C5orf34: variants seen among roughly 807,000 people sequenced by gnomAD.
C5orf34 encodes the protein chromosome 5 open reading frame 34.
C5orf34 carries 73 observed loss-of-function variants against 78.4 expected under a neutral mutation model. That is an observed-to-expected ratio of 0.93 (90% confidence interval 0.77 to 1.13). The LOEUF (loss-of-function observed/expected upper bound fraction) is 1.13. C5orf34 is among the 50% of genes most tolerant of loss of function. The pLI, the probability that C5orf34 is intolerant of heterozygous loss-of-function variation, is 0.00. For missense variants in C5orf34, 730 were observed against 732.7 expected (o/e 1.00, Z 0.04); for synonymous variants, 251 against 246.6 (o/e 1.02, Z -0.17).
chr5:43,498,540 G>A (rs192365257), intron 6 of C5orf34, among the ~76,000 whole-genome samples: 13 of 152,158 alleles, frequency 8.5e-5, no homozygotes, highest in African/African-American at 1.4e-4. Context: ...ACACAGTACC[G>A]GGCACCACCA....
rs1222832114 is a variant in C5orf34, at chr5:43,496,237, A to G, written c.1153-1636T>C. The G allele has an allele frequency of 4.4e-6, 7 of 1,578,138 alleles. No individual in the cohort carries two copies. In the East Asian group the frequency reaches 6.7e-5, roughly 15 times the overall value. ...CTCAAATTTCCACAAGGAGATATCA[A>G]TGGTGATACCACGTTCACGCTCAGC... is the stretch of plus-strand genomic sequence containing the variant. On this transcript the variant is annotated intron_variant, in intron 6 of 12. Transcript: ENST00000306862.
intron 6 of C5orf34, chr5:43,495,723 A>G: frequency 6.3e-7 from 1 of 1,582,278 alleles, no homozygotes; most frequent in Admixed American, 1.7e-5. Flanking sequence ...GGCAGGCGCA[A>G]GGGCTTGTCA....
rs538048219 is a variant in C5orf34 at position 43,494,977 on chromosome 5, C to T, written c.1153-376G>A. Reference sequence around the variant, plus strand: ...GCATTGTTATCATTAACCAGTCTTTCACTACTAAACTTAAATGGCCAATTG... The same window carrying T: ...GCATTGTTATCATTAACCAGTCTTTTACTACTAAACTTAAATGGCCAATTG... On this transcript the variant is annotated intron_variant, in intron 6 of 12. Coordinates refer to ENST00000306862, the MANE Select transcript of C5orf34 (RefSeq NM_198566.4). 585 of 989,158 alleles carry T rather than the reference C, an allele frequency of 5.9e-4. 3 individuals are homozygous for T. The African/African-American group carries it at 8.2e-3, about 14-fold the overall frequency. The allele number at this position is 989,158 out of a possible 1,614,324, so 61.3% of individuals were successfully genotyped here.
At chr5:43,502,598 AAC>A (rs1234353388) in intron 5 of C5orf34, 103 bp from the exon 6 acceptor site, 18 of 703,300 alleles carry the variant, frequency 2.6e-5, no homozygotes, top group East Asian at 1.0e-4. Context: ...TAAGCAAAAC[AAC>A]ACAGTCTTTT....
At chr5:43,509,093 A>G in intron 2 of C5orf34, 52 bp downstream of exon 2, 3 of 1,456,304 alleles carry the variant, frequency 2.1e-6, no homozygotes, top group Non-Finnish European at 2.8e-6. Context: ...TGACAGAGCA[A>G]GAACCTGTCT....
intron 6 of C5orf34, among the ~76,000 whole-genome samples, chr5:43,499,536 G>A (rs1216370536): frequency 6.6e-6 from 1 of 151,716 alleles, no homozygotes; most frequent in Non-Finnish European, 1.5e-5. Flanking sequence ...CAAAAAGTAT[G>A]AAAATTGAGT....
chr5:43,497,767 C>G (rs755774830), intron 6 of C5orf34, among the ~76,000 whole-genome samples: 2 of 152,190 alleles, frequency 1.3e-5, no homozygotes, highest in African/African-American at 4.8e-5. Flanking sequence ...ACAGACCTGA[C>G]TATCTAAATC....
chr5:43,500,875 A>C (rs1423862954), intron 6 of C5orf34, among the ~76,000 whole-genome samples: 1 of 152,158 alleles, frequency 6.6e-6, no homozygotes, highest in Admixed American at 6.5e-5. Context: ...TTAGCTCTTT[A>C]ATTCATCTGA....
intron 2 of C5orf34, 78 bp from the exon 3 acceptor site, chr5:43,508,744 C>T (rs1746096316): frequency 1.1e-6 from 1 of 876,736 alleles, no homozygotes; most frequent in Non-Finnish European, 1.9e-6. Context: ...ACAGTATAAT[C>T]CATAATACTA....
Position 43,505,732 on chromosome 5 carries a change from G to C in C5orf34, c.932+16C>G. 1.3e-6 allele frequency: 2 copies of C among 1,524,614 alleles called. No homozygotes were observed. The highest frequency in any genetic ancestry group is 1.8e-6 in the Non-Finnish European group (2 of 1,138,004). The allele number at this position is 1,524,614 out of a possible 1,614,324, so 94.4% of individuals were successfully genotyped here. On this transcript the variant is annotated intron_variant, in intron 4 of 12. Transcript: ENST00000306862. ...CTGATAAAAAGCTTCATGACCAATA[G>C]CCATTACTGCATTACCTGTGTAGGT... is the stretch of plus-strand genomic sequence containing the variant.
In C5orf34 at chr5:43,503,569, T is replaced by G. The variant is rs1259603626; in HGVS notation, c.1028+96A>C. On this transcript the variant is annotated intron_variant, in intron 5 of 12. Coordinates refer to ENST00000306862, the MANE Select transcript of C5orf34 (RefSeq NM_198566.4). ...CAGTTGGCCCAACAGAACTGTGTCC[T>G]CTTCTGAGAGTCTGTCTATAAGGCT... 1.5e-5 allele frequency: 13 copies of G among 846,120 alleles called. No homozygotes were observed. The Admixed American group carries it at 2.3e-4, about 15-fold the overall frequency. 52.4% of individuals were successfully genotyped at this position (846,120 alleles called of 1,614,324 possible).
rs1024326512 is a variant in C5orf34 at position 43,492,769 on chromosome 5, A to T, written c.1436T>A (p.Ile479Asn). 1.2e-6 allele frequency: 2 copies of T among 1,613,314 alleles called. No individual in the cohort carries two copies. The highest frequency in any genetic ancestry group is 4.5e-5 in the East Asian group (2 of 44,756). Residue 479 changes from isoleucine (I) to asparagine (N), a missense_variant, in exon 9 of 13, where the codon ATT becomes AAT. Physicochemically the swap from Ile to Asn is moderately radical, Grantham distance 149 (BLOSUM62 -3). Coordinates refer to ENST00000306862, the MANE Select transcript of C5orf34 (RefSeq NM_198566.4). ...DKVHAIFLDG[I>N]TLTLNWNFSS... is the part of the protein sequence containing the mutation. ...GAAATTCCAATTTAGGGTTAGAGTA[A>T]TGCCATCTAAAAAGATAGCATGTAC...
At chr5:43,495,565 A>C in intron 6 of C5orf34, 1 of 1,612,588 alleles carries the variant, frequency 6.2e-7, no homozygotes, top group Non-Finnish European at 8.5e-7. Context: ...CTTCACTCAA[A>C]GCTTCATGGT....
chr5:43,494,090 A>T (rs916753600), intron 7 of C5orf34, among the ~76,000 whole-genome samples: 1 of 152,210 alleles, frequency 6.6e-6, no homozygotes, highest in Admixed American at 6.5e-5. Context: ...TTTTAAAAAC[A>T]TATGAACCAA....
intron 10 of C5orf34, 77 bp from the exon 11 acceptor site, chr5:43,490,806 T>C: frequency 1.4e-6 from 1 of 712,312 alleles, no homozygotes; most frequent in Non-Finnish European, 2.3e-6. Flanking sequence ...AATGTAAAAA[T>C]AAGACAATTT....
chr5:43,498,809 C>T (rs1329642685), intron 6 of C5orf34, among the ~76,000 whole-genome samples: 1 of 152,150 alleles, frequency 6.6e-6, no homozygotes, highest in East Asian at 1.9e-4. Context: ...AATGGTTCCC[C>T]AAATGCAGTG....
In C5orf34 at chr5:43,486,867, G is replaced by A; in HGVS notation, c.*48C>T. On this transcript the variant is annotated 3_prime_UTR_variant, in exon 13 of 13. Coordinates refer to ENST00000306862, the MANE Select transcript of C5orf34 (RefSeq NM_198566.4). ...ACTAGTAATTTTATACCAGTCACTT[G>A]AAACAACATCCTTAAACTTTAATAA... is the stretch of plus-strand genomic sequence containing the variant. 1 of 1,229,020 alleles carries A rather than the reference G, an allele frequency of 8.1e-7. No homozygotes were observed. The highest frequency in any genetic ancestry group is 1.1e-6 in the Non-Finnish European group (1 of 912,260). 76.1% of individuals were successfully genotyped at this position (1,229,020 alleles called of 1,614,324 possible). A position where few individuals can be genotyped will look rare whatever the true frequency, so the allele number is the denominator to read the frequency against.
chr5:43,508,649 G>A lies in C5orf34; in HGVS notation c.213C>T (p.Ala71=). The part of the protein sequence containing the change: ...ISTYREQLQR[A]LDFRNSSATC... ...TAGCTGAAGAGTTTCGAAAATCTAG[G>A]GCTCGCTGTAGTTGCTCCTATGAAA... The change falls in exon 3 of 13, where the codon GCC becomes GCT. Residue 71 remains alanine, a synonymous_variant. Coordinates refer to ENST00000306862, the MANE Select transcript of C5orf34 (RefSeq NM_198566.4). The A allele has an allele frequency of 6.2e-7, 1 of 1,603,794 alleles. No homozygotes were observed. The highest frequency in any genetic ancestry group is 8.5e-7 in the Non-Finnish European group (1 of 1,171,060).
intron 1 of C5orf34, among the ~76,000 whole-genome samples, chr5:43,513,639 C>T (rs1561220541): frequency 6.6e-6 from 1 of 152,222 alleles, no homozygotes; most frequent in Non-Finnish European, 1.5e-5. Flanking sequence ...ACTTTAGATA[C>T]ATTGGCATTT....
Sources: gnomAD v4.1 joint callset for allele counts (sites outside exome capture counted in the v4.1 genomes callset) on GRCh38, gnomAD v4.1.1 for gene constraint, MANE v1.5 for transcripts, NCBI Gene and HGNC (gene_info 2026-07-23, HGNC 2026-07-21) for gene names.